ZNF827: variants seen among roughly 807,000 people sequenced by gnomAD.
ZNF827 encodes the protein zinc finger protein 827.
In ZNF827, 13 loss-of-function variants were observed where a neutral mutation model predicts 102.4. That is an observed-to-expected ratio of 0.13 (90% CI 0.08 to 0.20). The LOEUF (loss-of-function observed/expected upper bound fraction) is 0.20, where lower values mean the gene tolerates loss of function less well. Ranked by LOEUF, ZNF827 falls within the 10% of genes least tolerant of loss-of-function variation. The pLI, the probability that ZNF827 is intolerant of heterozygous loss-of-function variation, is 1.00. For synonymous variants in ZNF827, 523 were observed against 536.2 expected (o/e 0.98, Z 0.34); for missense variants, 1,103 against 1,344.4 (o/e 0.82, Z 2.81).
intron 4 of ZNF827, among the ~76,000 whole-genome samples, chr4:145,880,694 T>A (rs1444883964): frequency 6.6e-6 from 1 of 152,160 alleles, no homozygotes; most frequent in East Asian, 1.9e-4. Context: ...ATGCAGCTGC[T>A]CACATGAGGA....
At chr4:145,878,605 G>T (rs1225659169) in intron 4 of ZNF827, among the ~76,000 whole-genome samples, 1 of 81,322 alleles carries the variant, frequency 1.2e-5, no homozygotes, top group African/African-American at 4.9e-5. Flanking sequence ...GACAGGACAG[G>T]AAAGGAAAGG....
chr4:145,797,162 C>A (rs1006140656), intron 8 of ZNF827, among the ~76,000 whole-genome samples: 1 of 152,176 alleles, frequency 6.6e-6, no homozygotes, highest in African/African-American at 2.4e-5. Flanking sequence ...AATTCTGGAA[C>A]TACATCTGCC....
intron 4 of ZNF827, among the ~76,000 whole-genome samples, chr4:145,871,423 G>A (rs545831966): frequency 1.3e-5 from 2 of 152,288 alleles, no homozygotes; most frequent in African/African-American, 4.8e-5. Flanking sequence ...CAGCCACACT[G>A]TACCAGGCCT....
At chr4:145,882,421 A>G (rs1461261068) in intron 4 of ZNF827, among the ~76,000 whole-genome samples, 2 of 152,124 alleles carry the variant, frequency 1.3e-5, no homozygotes. Flanking sequence ...AGGACCAAGC[A>G]GTGTTAAGTG....
chr4:145,819,602 G>A (rs767034350), intron 8 of ZNF827, among the ~76,000 whole-genome samples: 2 of 152,092 alleles, frequency 1.3e-5, no homozygotes, highest in Non-Finnish European at 2.9e-5. Context: ...TAAATTTCAC[G>A]TAGTCTGTAA....
intron 5 of ZNF827, among the ~76,000 whole-genome samples, chr4:145,862,467 A>C (rs1747818658): frequency 6.6e-6 from 1 of 151,824 alleles, no homozygotes; most frequent in Non-Finnish European, 1.5e-5. Context: ...CTGAGTTTTC[A>C]AGGGCTAAAA....
intron 8 of ZNF827, among the ~76,000 whole-genome samples, chr4:145,783,248 T>C (rs1738361919): frequency 6.6e-6 from 1 of 152,218 alleles, no homozygotes; most frequent in Admixed American, 6.5e-5. Flanking sequence ...TATATATTTG[T>C]TGAATAAATG....
intron 8 of ZNF827, among the ~76,000 whole-genome samples, chr4:145,808,618 G>T (rs1741721789): frequency 1.3e-5 from 2 of 152,176 alleles, no homozygotes; most frequent in South Asian, 4.1e-4. Flanking sequence ...GATAAACGCA[G>T]AACATTCAAA....
At chr4:145,824,254 T>C (rs776045156) in intron 7 of ZNF827, among the ~76,000 whole-genome samples, 5 of 152,098 alleles carry the variant, frequency 3.3e-5, no homozygotes, top group African/African-American at 4.8e-5. Flanking sequence ...CACAAAGGAT[T>C]GAATGTTTTT....
At chr4:145,766,728 C>G (rs1735361329) in intron 11 of ZNF827, among the ~76,000 whole-genome samples, 1 of 152,132 alleles carries the variant, frequency 6.6e-6, no homozygotes, top group Non-Finnish European at 1.5e-5. Context: ...GAAAAGCCAC[C>G]TGAAAAGCTT....
chr4:145,817,059 A>AT (rs1742656183), intron 8 of ZNF827, among the ~76,000 whole-genome samples: 1 of 152,216 alleles, frequency 6.6e-6, no homozygotes, highest in South Asian at 2.1e-4. Context: ...AAATACTATC[A>AT]TAAGTATGCA....
rs867942596 is a variant in ZNF827, at chr4:145,761,690, C to T, written c.*18-92G>A. ...GCCTCACCAGCCTTCCCTCACACCA[C>T]CCCCCAGTGTCTGAGGCCTGGCCTG... On this transcript the variant is annotated intron_variant, in intron 14 of 14. Transcript: ENST00000508784. The surrounding 1 kb of genome is among the most constrained non-coding windows in gnomAD (Gnocchi z 6.8). 121 of 782,286 alleles carry T rather than the reference C, an allele frequency of 1.5e-4. 4 individuals are homozygous for T. The highest frequency in any genetic ancestry group is 1.2e-3 in the South Asian group (70 of 59,490). 48.5% of individuals were successfully genotyped at this position (782,286 alleles called of 1,614,324 possible).
chr4:145,765,406 C>T lies in ZNF827; in HGVS notation c.3052+141G>A. 3 of 1,136,050 alleles carry T rather than the reference C, an allele frequency of 2.6e-6. No individual in the cohort carries two copies. Among genetic ancestry groups the T allele is most frequent in the East Asian group, 5.2e-5 (2 of 38,608 alleles). 70.4% of individuals were successfully genotyped at this position (1,136,050 alleles called of 1,614,324 possible). A position where few individuals can be genotyped will look rare whatever the true frequency, so the allele number is the denominator to read the frequency against. The stretch of plus-strand genomic sequence containing the variant: ...GATTCAAATTAAGCCAAAAGAAATA[C>T]AACCTTTAGGTGAGGCCCAGCATAC... On this transcript the variant is annotated intron_variant, in intron 12 of 14. Transcript: ENST00000508784. The surrounding 1 kb of genome is among the most constrained non-coding windows in gnomAD (Gnocchi z 4.7).
At chr4:145,877,070 T>C (rs769018349) in intron 4 of ZNF827, among the ~76,000 whole-genome samples, 3 of 152,216 alleles carry the variant, frequency 2.0e-5, no homozygotes, top group South Asian at 2.1e-4. Flanking sequence ...GCTTGGCTTT[T>C]TAAATATGTA....
At chr4:145,843,088 A>G (rs964141199) in intron 7 of ZNF827, among the ~76,000 whole-genome samples, 13 of 152,068 alleles carry the variant, frequency 8.5e-5, no homozygotes, top group African/African-American at 3.1e-4. Flanking sequence ...TCTGTTCCTG[A>G]TATCAGTTAA....
At chr4:145,816,840 CA>C (rs1337678094) in intron 8 of ZNF827, among the ~76,000 whole-genome samples, 2 of 152,206 alleles carry the variant, frequency 1.3e-5, no homozygotes, top group African/African-American at 4.8e-5. Flanking sequence ...GAAGATATAT[CA>C]ACCTACATGT....
chr4:145,812,926 C>T (rs536139594), intron 8 of ZNF827, among the ~76,000 whole-genome samples: 49 of 152,222 alleles, frequency 3.2e-4, no homozygotes, highest in South Asian at 4.2e-4. Flanking sequence ...CGGTCAACTG[C>T]GGTGTGAAAA....
intron 8 of ZNF827, among the ~76,000 whole-genome samples, chr4:145,818,015 G>T (rs1579277013): frequency 6.6e-6 from 1 of 152,078 alleles, no homozygotes; most frequent in South Asian, 2.1e-4. Flanking sequence ...AGGAAGAGAG[G>T]AAAGATAGAA....
chr4:145,887,764 G>A (rs753545171), intron 3 of ZNF827, among the ~76,000 whole-genome samples: 6 of 152,282 alleles, frequency 3.9e-5, no homozygotes, highest in Middle Eastern at 3.4e-3. Context: ...ACCAATTCAC[G>A]CAGAAGCAGG....
Sources: allele counts gnomAD v4.1 joint callset (sites outside exome capture counted in the v4.1 genomes callset), GRCh38; gene constraint gnomAD v4.1.1; non-coding constraint Gnocchi (gnomAD v3.1); transcripts MANE v1.5; gene names NCBI Gene and HGNC (gene_info 2026-07-23, HGNC 2026-07-21).